AVEN: variants seen among roughly 807,000 people sequenced by gnomAD.
The protein encoded by AVEN is cell death regulator Aven.
A neutral mutation model predicts 38.1 loss-of-function variants in AVEN; 41 were observed. The observed-to-expected ratio is 1.08, with a 90% CI of 0.84 to 1.40. AVEN has a LOEUF of 1.40. AVEN is among the 40% of genes most tolerant of loss of function. AVEN has a pLI of 0.00. For synonymous variants in AVEN, 206 were observed against 171.8 expected (o/e 1.20, Z -1.56); for missense variants, 605 against 438.8 (o/e 1.38, Z -3.38).
Position 33,937,932 on chromosome 15 carries a change from CAAAAAAA to C in AVEN, c.446-61944_446-61938del, listed in dbSNP as rs55887919. On this transcript the variant is annotated intron_variant, in intron 2 of 5. Transcript: ENST00000306730. The stretch of plus-strand genomic sequence containing the variant: ...GAACTAATACAAATCCCTACTTGAC[CAAAAAAA>C]AAAAAAAAAAAAAAAAAAAGAAAGA... Among the ~76,000 whole-genome samples the C allele has an allele frequency of 3.1e-3, 313 of 100,818 alleles. 2 individuals carry two copies. Among genetic ancestry groups the C allele is most frequent in the African/African-American group, 0.01 (296 of 29,582 alleles). The allele number at this position is 100,818 out of a possible 152,430, so 66.1% of individuals were successfully genotyped here.
downstream of AVEN, chr15:33,865,880 C>CA (rs1356559641): frequency 1.3e-5 from 2 of 152,492 alleles, no homozygotes; most frequent in African/African-American, 4.8e-5. Flanking sequence ...TATGAAACTG[C>CA]ACTTGAAGGT....
At chr15:33,992,835 T>C (rs1597324221) in intron 2 of AVEN, among the ~76,000 whole-genome samples, 1 of 152,254 alleles carries the variant, frequency 6.6e-6, no homozygotes, top group Non-Finnish European at 1.5e-5. Flanking sequence ...GAAATTCCAA[T>C]GTCATTACAA....
At chr15:33,906,169 T>C (rs1892692057) in intron 2 of AVEN, among the ~76,000 whole-genome samples, 1 of 152,174 alleles carries the variant, frequency 6.6e-6, no homozygotes, top group African/African-American at 2.4e-5. Context: ...TTGTGTGTGC[T>C]TGAGCTTCTG....
chr15:34,029,976 G>A (rs776143039), intron 1 of AVEN, among the ~76,000 whole-genome samples: 59 of 152,178 alleles, frequency 3.9e-4, no homozygotes, highest in Non-Finnish European at 7.8e-4. Context: ...ATTCCAAGCC[G>A]AGCATGGTGA....
At chr15:33,984,816 G>A (rs1896351775) in intron 2 of AVEN, among the ~76,000 whole-genome samples, 1 of 152,124 alleles carries the variant, frequency 6.6e-6, no homozygotes, top group South Asian at 2.1e-4. Context: ...GACCTTTGAT[G>A]CAGTAAATCA....
At chr15:34,028,612 G>A (rs532306464) in intron 1 of AVEN, among the ~76,000 whole-genome samples, 1 of 152,064 alleles carries the variant, frequency 6.6e-6, no homozygotes, top group Non-Finnish European at 1.5e-5. Flanking sequence ...GAATGAGAGA[G>A]GACAGCAAAG....
chr15:33,961,818 A>C (rs1895199802), intron 2 of AVEN, among the ~76,000 whole-genome samples: 1 of 148,146 alleles, frequency 6.8e-6, no homozygotes, highest in Non-Finnish European at 1.5e-5. Context: ...GTCTCAAAAA[A>C]AAAAAAAAAA....
At chr15:34,029,040 C>A (rs72718682) in intron 1 of AVEN, among the ~76,000 whole-genome samples, 23,182 of 152,078 alleles carry the variant, frequency 0.15, 2,134 homozygotes, top group Middle Eastern at 0.28. Flanking sequence ...CAACTCTTCA[C>A]CTCTAATCCT....
intron 1 of AVEN, among the ~76,000 whole-genome samples, chr15:34,015,437 G>A (rs1430003367): frequency 4.6e-5 from 7 of 151,784 alleles, no homozygotes; most frequent in African/African-American, 1.2e-4. Flanking sequence ...AGCCGAGATC[G>A]CACCACTGCA....
chr15:34,067,266 C>T (rs1900536683), intron 2 of AVEN: 1 of 152,176 alleles, frequency 6.6e-6, no homozygotes, highest in Non-Finnish European at 1.5e-5. Flanking sequence ...TTGCTTCGCT[C>T]CTTTGGTGAA....
intron 2 of AVEN, among the ~76,000 whole-genome samples, chr15:33,997,771 T>C (rs2087217507): frequency 6.6e-6 from 1 of 152,196 alleles, no homozygotes; most frequent in African/African-American, 2.4e-5. Context: ...TCTCATTTCA[T>C]TGCATTTGCT....
intron 2 of AVEN, among the ~76,000 whole-genome samples, chr15:33,971,570 T>C (rs891616424): frequency 6.6e-6 from 1 of 152,110 alleles, no homozygotes; most frequent in African/African-American, 2.4e-5. Context: ...CAACATAATT[T>C]TGTATATAAA....
At chr15:33,856,374 CCAGCT>C (rs1323225617), downstream of AVEN, 1 of 152,212 alleles carries the variant, frequency 6.6e-6, no homozygotes, top group African/African-American at 2.4e-5. Context: ...TTCCTATCTC[CCAGCT>C]CAATGCCTAG....
rs116124268 is a variant in AVEN at position 33,903,792 on chromosome 15, T to G, written c.446-27797A>C. The stretch of plus-strand genomic sequence containing the variant: ...TATACAGTCATGCATCACATAACAA[T>G]AGGGATACATTTTGAGAAATTCATC... On this transcript the variant is annotated intron_variant, in intron 2 of 5. Coordinates refer to ENST00000306730, the MANE Select transcript of AVEN (RefSeq NM_020371.3). 9.9e-3 allele frequency among the ~76,000 whole-genome samples: 1,478 copies of G among 149,846 alleles called. 20 individuals carry two copies. The highest frequency in any genetic ancestry group is 0.035 in the African/African-American group (1,427 of 41,212).
intron 2 of AVEN, among the ~76,000 whole-genome samples, chr15:33,952,871 A>AG (rs1292998386): frequency 1.3e-5 from 2 of 152,048 alleles, no homozygotes; most frequent in Non-Finnish European, 2.9e-5. Flanking sequence ...AAAAAAAAAA[A>AG]AACACTTCAT....
rs568303665 is a variant in AVEN, at chr15:34,058,935, C to T, written n.1637+3987G>A. On this transcript the variant is annotated intron_variant and non_coding_transcript_variant, in intron 5 of 11. Transcript: ENST00000675287. ...CTTTTGAAACAGAGTCTCACTCTGT[C>T]GCCCAGGCTGGAATGCAGTGGCAAG... Among the ~76,000 whole-genome samples the T allele has an allele frequency of 4.6e-5, 7 of 152,252 alleles. No homozygotes were observed. The South Asian group carries it at 1.0e-3, about 23-fold the overall frequency.
At chr15:33,894,627 C>A (rs112173764) in intron 2 of AVEN, among the ~76,000 whole-genome samples, 1 of 143,318 alleles carries the variant, frequency 7.0e-6, no homozygotes, top group East Asian at 2.1e-4. Context: ...CTGGGCAACA[C>A]GGTAAAACCC....
At chr15:33,899,440 T>C (rs1892389029) in intron 2 of AVEN, among the ~76,000 whole-genome samples, 1 of 150,306 alleles carries the variant, frequency 6.7e-6, no homozygotes, top group Non-Finnish European at 1.5e-5. Context: ...GTGTTTACAT[T>C]TATTTGCTTC....
downstream of AVEN, among the ~76,000 whole-genome samples, chr15:33,855,708 C>G (rs1006715723): frequency 6.6e-6 from 1 of 151,948 alleles, no homozygotes; most frequent in East Asian, 1.9e-4. Flanking sequence ...TTGTTATACA[C>G]ATAGTACACA....
Sources: allele counts gnomAD v4.1 joint callset (sites outside exome capture counted in the v4.1 genomes callset), GRCh38; gene constraint gnomAD v4.1.1; transcripts MANE v1.5; gene names NCBI Gene and HGNC (gene_info 2026-07-23, HGNC 2026-07-21).